ETAA1: variants seen among roughly 807,000 people sequenced by gnomAD.
ETAA1 encodes the protein ewing's tumor-associated antigen 1.
ETAA1 carries 49 observed loss-of-function variants against 76.8 expected under a neutral mutation model. That is an observed-to-expected ratio of 0.64 (90% CI 0.51 to 0.81). The LOEUF (loss-of-function observed/expected upper bound fraction) is 0.81. Ranked by LOEUF, ETAA1 falls within the 30% of genes least tolerant of loss-of-function variation. The pLI is 0.00. For missense variants in ETAA1, 1,099 were observed against 1,074.0 expected, an observed-to-expected ratio of 1.02 and a Z score of -0.32; for synonymous variants, 373 against 372.2, an observed-to-expected ratio of 1.00 and a Z score of -0.03.
intron 1 of ETAA1, among the ~76,000 whole-genome samples, chr2:67,398,306 C>CTTTT (rs57636211): frequency 9.4e-5 from 8 of 85,408 alleles, no homozygotes; most frequent in Admixed American, 1.3e-4. Context: ...TGAAATAGTG[C>CTTTT]TTTTTTTTTT....
chr2:67,410,655 T>C lies in ETAA1; in HGVS notation c.*617T>C, dbSNP rs748190554. On this transcript the variant is annotated 3_prime_UTR_variant, in exon 6 of 6. Coordinates refer to ENST00000272342, the MANE Select transcript of ETAA1 (RefSeq NM_019002.4). ...AAACTTTGATTTTAGAAGTCTAACA[T>C]AGAGGAAAAGAAGTAGTGGATTGTC... The C allele has an allele frequency of 6.6e-6, 1 of 152,048 alleles. No homozygotes were observed. Among genetic ancestry groups the C allele is most frequent in the Non-Finnish European group, 1.5e-5 (1 of 67,980 alleles). 9.4% of individuals were successfully genotyped at this position (152,048 alleles called of 1,614,324 possible). A position where few individuals can be genotyped will look rare whatever the true frequency, so the allele number is the denominator to read the frequency against.
intron 5 of ETAA1, among the ~76,000 whole-genome samples, chr2:67,407,576 G>A (rs1676253863): frequency 6.6e-6 from 1 of 152,048 alleles, no homozygotes; most frequent in Non-Finnish European, 1.5e-5. Flanking sequence ...ATTTGCAGTC[G>A]AAAGTCTGTG....
At chr2:67,406,812 TG>T (rs1470639866) in intron 5 of ETAA1, among the ~76,000 whole-genome samples, 2 of 152,098 alleles carry the variant, frequency 1.3e-5, no homozygotes, top group Non-Finnish European at 2.9e-5. Flanking sequence ...AACTTGCTTT[TG>T]CCTTAATATA....
intron 5 of ETAA1, among the ~76,000 whole-genome samples, chr2:67,406,676 T>G (rs1215147669): frequency 6.6e-6 from 1 of 152,144 alleles, no homozygotes; most frequent in African/African-American, 2.4e-5. Flanking sequence ...ATAGTTGGTA[T>G]GATGTAGCAT....
At chr2:67,398,027 G>C (rs572431568) in intron 1 of ETAA1, among the ~76,000 whole-genome samples, 17 of 152,148 alleles carry the variant, frequency 1.1e-4, no homozygotes, top group African/African-American at 4.1e-4. Flanking sequence ...TTTGCCCGGA[G>C]AAGTTATTTC....
chr2:67,402,096 G>A (rs962031254), intron 3 of ETAA1: 3 of 151,744 alleles, frequency 2.0e-5, no homozygotes, highest in Non-Finnish European at 3.0e-5. Flanking sequence ...GAGTGAAAAT[G>A]GTTACTTGAT....
In ETAA1 at chr2:67,404,314, C is replaced by T. The variant is rs189763192; in HGVS notation, c.1632C>T (p.Ala544=). ...NKCILNQSIK[A]PVNTDLFGSA... is the part of the protein sequence containing the mutation. ...GCATTTTAAATCAGTCTATTAAAGC[C>T]CCTGTTAATACTGATCTTTTTGGCT... is the stretch of plus-strand genomic sequence containing the variant. Residue 544 remains alanine, a synonymous_variant, in exon 5 of 6, where the codon GCC becomes GCT. Transcript: ENST00000272342. The T allele has an allele frequency of 2.5e-6, 4 of 1,612,480 alleles. No individual in the cohort carries two copies. Among genetic ancestry groups the T allele is most frequent in the Admixed American group, 1.7e-5 (1 of 59,752 alleles).
chr2:67,399,243 G>T lies in ETAA1; in HGVS notation c.298G>T (p.Asp100Tyr). 1 of 1,613,542 alleles carries T rather than the reference G, an allele frequency of 6.2e-7. No homozygotes were observed. The highest frequency in any genetic ancestry group is 1.1e-5 in the South Asian group (1 of 91,026). The change falls in exon 2 of 6, where the codon GAT becomes TAT. Residue 100 changes from aspartate to tyrosine, a missense_variant. Around this residue, in one of 3 missense-constraint regions of ETAA1, gnomAD observed 761 missense variants for 731.9 expected, o/e 1.04. Coordinates refer to ENST00000272342, the MANE Select transcript of ETAA1 (RefSeq NM_019002.4). ...SSSFSSPNDP[D>Y]GQNDIFWDQN... ...TTCCTTCAGTTCTCCTAATGATCCA[G>T]ATGGACAGAATGATATCTTTTGGGA...
At position 67,405,082 on chromosome 2, in the gene ETAA1, C is replaced by G. The variant is rs1063571; in HGVS notation, c.2400C>G (p.Cys800Trp). 38 of 1,612,288 alleles carry G rather than the reference C, an allele frequency of 2.4e-5. No homozygotes were observed. The Admixed American group carries it at 6.2e-4, about 26-fold the overall frequency. Residue 800 changes from cysteine to tryptophan, a missense_variant, in exon 5 of 6, where the codon TGC becomes TGG. Physicochemically the swap from Cys to Trp is radical, Grantham distance 215 (BLOSUM62 -2). Coordinates refer to ENST00000272342, the MANE Select transcript of ETAA1 (RefSeq NM_019002.4). ...YKKKLSTNQP[C>W]HKTVTDEAQS... ...AGAAATTGAGTACTAATCAGCCATG[C>G]CATAAGACTGTAACAGATGAAGCTC... is the stretch of plus-strand genomic sequence containing the variant.
chr2:67,403,124 A>G, intron 4 of ETAA1, 101 bp from the exon 5 acceptor site: 1 of 1,117,954 alleles, frequency 8.9e-7, no homozygotes, highest in East Asian at 2.6e-5. Context: ...AAATAATTAT[A>G]ACTGTTAAAA....
Position 67,404,909 on chromosome 2 carries a change from T to G in ETAA1, c.2227T>G (p.Ser743Ala), listed in dbSNP as rs750146643. The G allele has an allele frequency of 6.2e-7, 1 of 1,613,120 alleles. No homozygotes were observed. Among genetic ancestry groups the G allele is most frequent in the Non-Finnish European group, 8.5e-7 (1 of 1,179,420 alleles). Residue 743 changes from serine to alanine, a missense_variant, in exon 5 of 6, where the codon TCA (serine) becomes GCA (alanine). Coordinates refer to ENST00000272342, the MANE Select transcript of ETAA1 (RefSeq NM_019002.4). ...AAATTTGACTATGTATTCTAAGATC[T>G]CAAACTGTCAGATAAATAATCTGCA... ...ATNLTMYSKI[S>A]NCQINNLHVS...
rs1389160403 is a variant in ETAA1 at position 67,404,014 on chromosome 2, A to G, written c.1332A>G (p.Leu444=). 1 of 1,607,828 alleles carries G rather than the reference A, an allele frequency of 6.2e-7. No individual in the cohort carries two copies. Among genetic ancestry groups the G allele is most frequent in the Middle Eastern group, 1.7e-4 (1 of 6,000 alleles). The part of the protein sequence containing the change: ...PDARLGDSKV[L]QDLSSKTYDR... ...CCAGGTTAGGAGATTCAAAAGTATT[A>G]CAAGATCTTTCTTCAAAGACATATG... The change falls in exon 5 of 6, where the codon TTA becomes TTG. Residue 444 remains leucine, a synonymous_variant. Coordinates refer to ENST00000272342, the MANE Select transcript of ETAA1 (RefSeq NM_019002.4).
intron 1 of ETAA1, 33 bp from the exon 2 acceptor site, chr2:67,399,136 C>T (rs778341383): frequency 1.9e-5 from 30 of 1,590,116 alleles, no homozygotes; most frequent in Middle Eastern, 1.7e-4. Context: ...CTTTAAAATG[C>T]AACAATTGTT....
intron 2 of ETAA1, 95 bp downstream of exon 2, chr2:67,399,392 CTG>C (rs1558579054): frequency 8.0e-7 from 1 of 1,243,802 alleles, no homozygotes; most frequent in Non-Finnish European, 1.1e-6. Context: ...TCGGGAACCT[CTG>C]AGAATGTTAT....
At chr2:67,409,537 A>C (rs77814619) in intron 5 of ETAA1, among the ~76,000 whole-genome samples, 2,892 of 152,144 alleles carry the variant, frequency 0.019, 41 homozygotes, top group Non-Finnish European at 0.032. Flanking sequence ...CTATTTTCCA[A>C]TTAAAGTTTA....
intron 1 of ETAA1, among the ~76,000 whole-genome samples, chr2:67,398,042 T>C (rs1231327149): frequency 6.6e-6 from 1 of 152,306 alleles, no homozygotes. Flanking sequence ...TATTTCTCTT[T>C]AAACCCTTTT....
rs902432274 is a variant in ETAA1, at chr2:67,411,826, A to G, written c.*1788A>G. 6.6e-6 allele frequency: 1 copy of G among 151,840 alleles called. No homozygotes were observed. The highest frequency in any genetic ancestry group is 1.5e-5 in the Non-Finnish European group (1 of 67,988). The allele number at this position is 151,840 out of a possible 1,614,324, so 9.4% of individuals were successfully genotyped here. A position where few individuals can be genotyped will look rare whatever the true frequency, so the allele number is the denominator to read the frequency against. ...TATGTACAAAAATAAAGAGCTGAGAATCTTTTACTAAAAGTGGCTTCACTG... is the reference window on the plus strand; with the variant it reads ...TATGTACAAAAATAAAGAGCTGAGAGTCTTTTACTAAAAGTGGCTTCACTG... On this transcript the variant is annotated 3_prime_UTR_variant, in exon 6 of 6. Coordinates refer to ENST00000272342, the MANE Select transcript of ETAA1 (RefSeq NM_019002.4).
intron 5 of ETAA1, 29 bp downstream of exon 5, chr2:67,405,364 T>G (rs1291426844): frequency 1.4e-6 from 2 of 1,464,032 alleles, no homozygotes; most frequent in South Asian, 3.0e-5. Context: ...ATAGTTTTCT[T>G]TGAAAAGCAT....
Position 67,404,466 on chromosome 2 carries a change from A to G in ETAA1, c.1784A>G (p.Gln595Arg), listed in dbSNP as rs759641144. The change falls in exon 5 of 6, where the codon CAA becomes CGA. Residue 595 changes from glutamine (Q) to arginine (R), a missense_variant. This residue lies in a region of ETAA1 where 761 missense variants were observed against 731.9 expected (regional missense o/e 1.04). Coordinates refer to ENST00000272342, the MANE Select transcript of ETAA1 (RefSeq NM_019002.4). Reference protein sequence around the residue: ...FANEIIKACHQLDNTWEADDV... With the variant: ...FANEIIKACHRLDNTWEADDV... Reference sequence around the variant, plus strand: ...AATGAAATTATTAAAGCATGTCATCAATTAGATAATACCTGGGAAGCAGAT... The same window carrying G: ...AATGAAATTATTAAAGCATGTCATCGATTAGATAATACCTGGGAAGCAGAT... 6 of 1,613,170 alleles carry G rather than the reference A, an allele frequency of 3.7e-6. No homozygotes were observed. In the Admixed American group the frequency reaches 1.0e-4, roughly 27 times the overall value.
Sources: gnomAD v4.1 joint callset for allele counts (sites outside exome capture counted in the v4.1 genomes callset) on GRCh38, gnomAD v4.1.1 for gene constraint, gnomAD v4.1.1 regional missense constraint, MANE v1.5 for transcripts, NCBI Gene and HGNC (gene_info 2026-07-23, HGNC 2026-07-21) for gene names.